Variants in ST13 observed in about 807,000 individuals in gnomAD.
ST13 encodes the protein ST13 Hsp70 interacting protein, also known as hsc70-interacting protein.
A neutral mutation model predicts 56.7 loss-of-function variants in ST13; 23 were observed. That is an observed-to-expected ratio of 0.41 (90% CI 0.29 to 0.57). The LOEUF is 0.57. ST13 is among the 20% of genes least tolerant of loss of function. The pLI, the probability that ST13 is intolerant of heterozygous loss-of-function variation, is 0.36. For missense variants in ST13, 369 were observed against 459.9 expected (o/e 0.80, Z 1.81); for synonymous variants, 132 against 142.4 (o/e 0.93, Z 0.52).
chr22:40,831,241 A>C (rs1378336120), intron 8 of ST13, among the ~76,000 whole-genome samples: 1 of 152,192 alleles, frequency 6.6e-6, no homozygotes, highest in Non-Finnish European at 1.5e-5. Context: ...AGTGCATGAC[A>C]ATTCTTGCCT....
At chr22:40,843,363 A>C (rs1178287089) in intron 4 of ST13, among the ~76,000 whole-genome samples, 1 of 152,218 alleles carries the variant, frequency 6.6e-6, no homozygotes, top group Admixed American at 6.5e-5. Context: ...CAAAAAGCCA[A>C]GAACAGCCAA....
chr22:40,830,721 A>T, intron 9 of ST13, 119 bp downstream of exon 9: 1 of 533,994 alleles, frequency 1.9e-6, no homozygotes, highest in Non-Finnish European at 3.3e-6. Flanking sequence ...TAATATCATT[A>T]CTCTATAGAA....
rs2057896492 is a variant in ST13 at position 40,856,434 on chromosome 22, T to A, written c.107A>T (p.Glu36Val). The A allele has an allele frequency of 3.7e-6, 6 of 1,612,340 alleles. No homozygotes were observed. The highest frequency in any genetic ancestry group is 4.2e-6 in the Non-Finnish European group (5 of 1,178,604). The change falls in exon 1 of 12, where the codon GAG becomes GTG. Residue 36 changes from glutamate (E) to valine (V), a missense_variant. Around this residue, in one of 3 missense-constraint regions of ST13, gnomAD observed 169 missense variants for 175.6 expected, o/e 0.96. Transcript: ENST00000216218. Reference sequence around the variant, plus strand: ...GGTCCTCAGGCCTGGGTCTCACCTCTCCACCCACTCCCTCAGGAAGCGCAT... The same window carrying A: ...GGTCCTCAGGCCTGGGTCTCACCTCACCACCCACTCCCTCAGGAAGCGCAT... ...EEMRFLREWVESMGGKVPPAT... is the reference protein window; with the variant it reads ...EEMRFLREWVVSMGGKVPPAT...
intron 7 of ST13, among the ~76,000 whole-genome samples, chr22:40,833,482 A>G (rs2057763333): frequency 6.7e-6 from 1 of 149,870 alleles, no homozygotes; most frequent in South Asian, 2.1e-4. Context: ...GGAGAATGGC[A>G]TGAACCCAGG....
chr22:40,848,280 T>A lies in ST13; in HGVS notation c.244+14A>T, dbSNP rs754712721. Reference sequence around the variant, plus strand: ...CATAGGTTTTCAAATACAAACTAACTACCGTCTCCTCACCTAGATCACTTT... The same window carrying A: ...CATAGGTTTTCAAATACAAACTAACAACCGTCTCCTCACCTAGATCACTTT... On this transcript the variant is annotated intron_variant, in intron 3 of 11. Coordinates refer to ENST00000216218, the MANE Select transcript of ST13 (RefSeq NM_003932.5). 2 of 1,598,882 alleles carry A rather than the reference T, an allele frequency of 1.3e-6. No individual in the cohort carries two copies. Among genetic ancestry groups the A allele is most frequent in the Admixed American group, 3.3e-5 (2 of 60,000 alleles).
chr22:40,846,418 C>T (rs1368259283), intron 3 of ST13, among the ~76,000 whole-genome samples: 1 of 152,146 alleles, frequency 6.6e-6, no homozygotes, highest in African/African-American at 2.4e-5. Context: ...TATACTGGAT[C>T]TCTGGAATTT....
chr22:40,846,151 G>T (rs2057830163), intron 3 of ST13, among the ~76,000 whole-genome samples: 1 of 152,050 alleles, frequency 6.6e-6, no homozygotes, highest in South Asian at 2.1e-4. Context: ...AGTCAGGCTG[G>T]TCTCCAACTC....
intron 4 of ST13, among the ~76,000 whole-genome samples, chr22:40,842,864 G>T (rs957548638): frequency 6.6e-6 from 1 of 152,178 alleles, no homozygotes; most frequent in African/African-American, 2.4e-5. Context: ...AAATGCACAA[G>T]ACTTACGTCA....
intron 7 of ST13, among the ~76,000 whole-genome samples, chr22:40,832,884 C>T (rs899896723): frequency 1.1e-4 from 16 of 152,212 alleles, no homozygotes; most frequent in Non-Finnish European, 2.1e-4. Flanking sequence ...TTTAAAGCTG[C>T]TTTTCTACTA....
intron 1 of ST13, among the ~76,000 whole-genome samples, chr22:40,851,175 C>T (rs1354525341): frequency 6.6e-6 from 1 of 152,130 alleles, no homozygotes; most frequent in Non-Finnish European, 1.5e-5. Flanking sequence ...GCAGATATGT[C>T]AACATGCAAT....
At chr22:40,833,977 G>A (rs944565254) in intron 7 of ST13, among the ~76,000 whole-genome samples, 19 of 152,038 alleles carry the variant, frequency 1.2e-4, no homozygotes, top group Non-Finnish European at 5.9e-5. Flanking sequence ...ATTTCAAGTG[G>A]GATATATATT....
At chr22:40,844,624 A>G (rs1282108184) in intron 4 of ST13, among the ~76,000 whole-genome samples, 1 of 152,254 alleles carries the variant, frequency 6.6e-6, no homozygotes, top group Non-Finnish European at 1.5e-5. Context: ...CAGTCACACC[A>G]GATGCAAACT....
At chr22:40,846,204 G>A (rs1192803821) in intron 3 of ST13, among the ~76,000 whole-genome samples, 1 of 152,124 alleles carries the variant, frequency 6.6e-6, no homozygotes, top group Non-Finnish European at 1.5e-5. Flanking sequence ...CCAAAGTGCT[G>A]GGATTAAAGG....
At chr22:40,827,074 A>G (rs769208978) in intron 11 of ST13, 22 bp downstream of exon 11, 2 of 1,608,938 alleles carry the variant, frequency 1.2e-6, no homozygotes, top group South Asian at 1.1e-5. Context: ...ACAAAGTCCA[A>G]AGTTTTTCTT....
At chr22:40,831,908 G>A (rs2057755595) in intron 8 of ST13, among the ~76,000 whole-genome samples, 1 of 152,178 alleles carries the variant, frequency 6.6e-6, no homozygotes, top group South Asian at 2.1e-4. Flanking sequence ...CTGGAGTGCT[G>A]TGGCGTGATC....
Position 40,826,488 on chromosome 22 carries a change from T to C in ST13, c.*50A>G. On this transcript the variant is annotated 3_prime_UTR_variant, in exon 12 of 12. Coordinates refer to ENST00000216218, the MANE Select transcript of ST13 (RefSeq NM_003932.5). ...TTGTATTATTGCGACATCCATAAGG[T>C]GATCTAGGTTGCTTTTCCTTCAGCA... The C allele has an allele frequency of 6.3e-7, 1 of 1,585,100 alleles. No homozygotes were observed. The highest frequency in any genetic ancestry group is 8.5e-7 in the Non-Finnish European group (1 of 1,171,784).
At chr22:40,840,087 T>C (rs926420424) in intron 5 of ST13, among the ~76,000 whole-genome samples, 1 of 151,740 alleles carries the variant, frequency 6.6e-6, no homozygotes, top group African/African-American at 2.4e-5. Context: ...GAGGCGGAGG[T>C]TGTAGTGAGC....
At chr22:40,835,743 AT>A in intron 6 of ST13, 59 bp downstream of exon 6, 1 of 1,596,902 alleles carries the variant, frequency 6.3e-7, no homozygotes, top group South Asian at 1.1e-5. Context: ...AAGCAACTCT[AT>A]TTAAACAAAT....
chr22:40,836,853 G>A (rs2057779884), intron 5 of ST13, among the ~76,000 whole-genome samples: 1 of 152,014 alleles, frequency 6.6e-6, no homozygotes, highest in Non-Finnish European at 1.5e-5. Flanking sequence ...TTTTTTTTAA[G>A]AGACAGGGTC....
Sources: gnomAD v4.1 joint callset for allele counts (sites outside exome capture counted in the v4.1 genomes callset) on GRCh38, gnomAD v4.1.1 for gene constraint, gnomAD v4.1.1 regional missense constraint, MANE v1.5 for transcripts, NCBI Gene and HGNC (gene_info 2026-07-23, HGNC 2026-07-21) for gene names.